Variants in OPTN observed in about 807,000 individuals in gnomAD.
OPTN encodes the protein E3-14.7K-interacting protein.
Under a neutral mutation model 70.4 loss-of-function variants are expected in OPTN, and 54 were observed. The observed-to-expected ratio is 0.77, with a 90% CI of 0.62 to 0.96. The LOEUF is 0.96. Among genes scored for constraint, OPTN ranks in the 40% least tolerant of loss-of-function variants. OPTN has a pLI of 0.00. For missense variants in OPTN, 624 were observed against 673.2 expected (o/e 0.93, Z 0.81); for synonymous variants, 256 against 248.5 (o/e 1.03, Z -0.28).
chr10:13,115,665 A>G (rs1833190426), intron 5 of OPTN, among the ~76,000 whole-genome samples: 1 of 144,428 alleles, frequency 6.9e-6, no homozygotes, highest in South Asian at 2.1e-4. Context: ...ATACGTATAT[A>G]CCTAGAACTA....
At chr10:13,103,504 A>G (rs542252627) in intron 1 of OPTN, among the ~76,000 whole-genome samples, 1 of 152,362 alleles carries the variant, frequency 6.6e-6, no homozygotes, top group East Asian at 1.9e-4. Flanking sequence ...GCCATCCCAC[A>G]GTGGAACAGA....
intron 1 of OPTN, among the ~76,000 whole-genome samples, chr10:13,106,353 T>C (rs1213366836): frequency 6.6e-6 from 1 of 152,244 alleles, no homozygotes; most frequent in Non-Finnish European, 1.5e-5. Context: ...ATTCAGATTA[T>C]TTTTGTGAGA....
Position 13,133,509 on chromosome 10 carries a change from T to C in OPTN, c.1540T>C (p.Leu514=), listed in dbSNP as rs1833635193. The C allele has an allele frequency of 1.2e-6, 2 of 1,614,026 alleles. No individual in the cohort carries two copies. The highest frequency in any genetic ancestry group is 1.3e-5 in the African/African-American group (1 of 74,932). ...DAFEDGGRQS[L]MEMQSRHGAR... ...TGCTTTTCGTCCTGGCAGGCAGTCC[T>C]TGATGGAGATGCAGAGTCGTCATGG... The change falls in exon 14 of 15, where the codon TTG becomes CTG. Residue 514 remains leucine (L), a synonymous_variant. Coordinates refer to ENST00000378747, the MANE Select transcript of OPTN (RefSeq NM_001008212.2).
Position 13,109,253 on chromosome 10 carries a change from T to C in OPTN, c.131T>C (p.Met44Thr), listed in dbSNP as rs1832940309. The C allele has an allele frequency of 6.2e-7, 1 of 1,613,926 alleles. No individual in the cohort carries two copies. Reference protein sequence around the residue: ...TFTPEELLQQMKELLTENHQL... With the variant: ...TFTPEELLQQTKELLTENHQL... The stretch of plus-strand genomic sequence containing the variant: ...ACCCCGGAGGAGCTGCTGCAGCAGA[T>C]GAAAGAGCTCCTGACCGAGAACCAC... The change falls in exon 3 of 15, where the codon ATG (methionine) becomes ACG (threonine). Residue 44 changes from methionine (M) to threonine (T), a missense_variant. Coordinates refer to ENST00000378747, the MANE Select transcript of OPTN (RefSeq NM_001008212.2).
At chr10:13,113,151 C>T (rs758133242) in intron 5 of OPTN, among the ~76,000 whole-genome samples, 1 of 152,030 alleles carries the variant, frequency 6.6e-6, no homozygotes, top group African/African-American at 2.4e-5. Context: ...CCTCCCAAGT[C>T]GCTGGGACTA....
rs1833718476 is a variant in OPTN, at chr10:13,137,196, T to C, written c.*330T>C. On this transcript the variant is annotated 3_prime_UTR_variant, in exon 15 of 15. Transcript: ENST00000378747. ...CGCGAGGTTGAGGCAGGAGAATTGC[T>C]TGAACCCAGGAAGTGGCAGTTGCAG... is the stretch of plus-strand genomic sequence containing the variant. 4.8e-6 allele frequency: 2 copies of C among 418,260 alleles called. No individual in the cohort carries two copies. Among genetic ancestry groups the C allele is most frequent in the South Asian group, 2.2e-5 (1 of 45,372 alleles). The allele number at this position is 418,260 out of a possible 1,614,324, so 25.9% of individuals were successfully genotyped here. A position where few individuals can be genotyped will look rare whatever the true frequency, so the allele number is the denominator to read the frequency against.
intron 5 of OPTN, among the ~76,000 whole-genome samples, chr10:13,114,840 A>G (rs1564358933): frequency 5.9e-5 from 3 of 50,786 alleles, no homozygotes; most frequent in East Asian, 7.0e-4. Context: ...TTATATAATT[A>G]TATAATTGTA....
intron 7 of OPTN, among the ~76,000 whole-genome samples, chr10:13,121,500 T>A (rs1363810838): frequency 2.5e-4 from 23 of 90,868 alleles, no homozygotes; most frequent in East Asian, 4.6e-4. Flanking sequence ...GATTATCCTG[T>A]AAAAAAAAAA....
intron 4 of OPTN, among the ~76,000 whole-genome samples, chr10:13,111,628 G>A (rs1038991446): frequency 2.0e-5 from 3 of 151,974 alleles, no homozygotes; most frequent in African/African-American, 7.2e-5. Flanking sequence ...AACCCGAGAG[G>A]TGGAGGATGC....
In OPTN at chr10:13,137,941, A is replaced by G; in HGVS notation, c.*1075A>G. 1 of 216,714 alleles carries G rather than the reference A, an allele frequency of 4.6e-6. No individual in the cohort carries two copies. The allele number at this position is 216,714 out of a possible 1,614,324, so 13.4% of individuals were successfully genotyped here. On this transcript the variant is annotated 3_prime_UTR_variant, in exon 15 of 15. Transcript: ENST00000378747. ...GGTTAGGTTATATCTTCATAATCAC[A>G]AGAATTAGTGATGGCAAAATAAAAT... is the stretch of plus-strand genomic sequence containing the variant.
intron 1 of OPTN, among the ~76,000 whole-genome samples, chr10:13,101,927 T>A (rs1303907773): frequency 1.3e-5 from 2 of 152,248 alleles, no homozygotes; most frequent in Non-Finnish European, 2.9e-5. Flanking sequence ...TATTTTCATT[T>A]CATTTCAACC....
chr10:13,111,789 G>A (rs1300103301), intron 4 of OPTN, among the ~76,000 whole-genome samples: 1 of 151,762 alleles, frequency 6.6e-6, no homozygotes, highest in Non-Finnish European at 1.5e-5. Context: ...TAGGTGTGGG[G>A]GCAATTGAGT....
At chr10:13,125,590 G>A in intron 10 of OPTN, 23 bp downstream of exon 10, 1 of 1,613,830 alleles carries the variant, frequency 6.2e-7, no homozygotes, top group Non-Finnish European at 8.5e-7. Context: ...AGTCAGAAGG[G>A]CAGCGACGGG....
intron 12 of OPTN, among the ~76,000 whole-genome samples, chr10:13,130,702 A>T (rs1833577472): frequency 6.6e-6 from 1 of 152,096 alleles, no homozygotes; most frequent in African/African-American, 2.4e-5. Context: ...TTAGATTTTT[A>T]ATTTTACTTT....
intron 14 of OPTN, among the ~76,000 whole-genome samples, chr10:13,133,870 G>C (rs189793464): frequency 6.6e-6 from 1 of 151,652 alleles, no homozygotes; most frequent in Non-Finnish European, 1.5e-5. Context: ...GTGCAGTGGC[G>C]AGATCTCGGC....
At chr10:13,115,828 G>A (rs1833194702) in intron 5 of OPTN, among the ~76,000 whole-genome samples, 1 of 151,432 alleles carries the variant, frequency 6.6e-6, no homozygotes, top group Non-Finnish European at 1.5e-5. Context: ...GGTGCTTTGT[G>A]AATCTCATTC....
chr10:13,111,997 G>A (rs577528475), intron 4 of OPTN, among the ~76,000 whole-genome samples: 29 of 151,512 alleles, frequency 1.9e-4, no homozygotes, highest in Admixed American at 5.9e-4. Context: ...ACAGGCGCCC[G>A]CCACCACGCC....
intron 1 of OPTN, among the ~76,000 whole-genome samples, chr10:13,103,310 T>C (rs923036798): frequency 5.3e-5 from 8 of 152,194 alleles, no homozygotes; most frequent in Admixed American, 6.5e-5. Context: ...AAAAGCAAGT[T>C]TTCACTGTTT....
intron 3 of OPTN, 60 bp downstream of exon 3, chr10:13,109,348 C>T (rs2131481424): frequency 1.3e-6 from 2 of 1,567,918 alleles, no homozygotes; most frequent in South Asian, 2.2e-5. Context: ...AATGCCATCC[C>T]TTTGCACTAA....
Sources: gnomAD v4.1 joint callset for allele counts (sites outside exome capture counted in the v4.1 genomes callset) on GRCh38, gnomAD v4.1.1 for gene constraint, MANE v1.5 for transcripts, NCBI Gene and HGNC (gene_info 2026-07-23, HGNC 2026-07-21) for gene names.